The following WDR6 variants were observed in gnomAD, a reference collection of about 807,000 sequenced individuals.
WDR6 encodes WD repeat domain 6, also known as tRNA (34-2'-O)-methyltransferase regulator WDR6.
WDR6 carries 58 observed loss-of-function variants against 85.6 expected under a neutral mutation model. The observed-to-expected ratio is 0.68, with a 90% CI of 0.55 to 0.84. The LOEUF (loss-of-function observed/expected upper bound fraction) is 0.84, where lower values mean the gene tolerates loss of function less well. Among genes scored for constraint, WDR6 ranks in the 40% least tolerant of loss-of-function variants. WDR6 has a pLI of 0.00. For synonymous variants in WDR6, 569 were observed against 582.2 expected (o/e 0.98, Z 0.33); for missense variants, 1,310 against 1,476.4 (o/e 0.89, Z 1.85).
rs1211428384 is a variant in WDR6, at chr3:49,014,172, T to C, written c.2583-38T>C. On this transcript the variant is annotated intron_variant, in intron 2 of 5. Transcript: ENST00000608424. The surrounding 1 kb of genome is among the most constrained non-coding windows in gnomAD (Gnocchi z 4.9). ...TGGGTCATGCAGATGCTCCCAGGCT[T>C]GCAGGCTCCACCTGACAGCTGCATG... The C allele has an allele frequency of 5.0e-6, 8 of 1,614,144 alleles. No individual in the cohort carries two copies. The African/African-American group carries it at 5.3e-5, about 11-fold the overall frequency.
chr3:49,012,870 C>T lies in WDR6; in HGVS notation c.1336C>T (p.Arg446Cys), dbSNP rs200831110. ...GKVHSLSWAL[R>C]GYEELLLLAS... ...GGTGCACAGCTTGAGCTGGGCCCTG[C>T]GTGGTTATGAGGAGCTCCTGTTGCT... Residue 446 changes from arginine to cysteine, a missense_variant, in exon 2 of 6, where the codon CGT becomes TGT. By Grantham distance (180) the Arg-to-Cys change is radical. Coordinates refer to ENST00000608424, the MANE Select transcript of WDR6 (RefSeq NM_018031.6). This position sits in a 1 kb window ranked among gnomAD's most constrained non-coding sequence, Gnocchi z 4.4. The T allele has an allele frequency of 9.5e-5, 154 of 1,613,444 alleles. No individual in the cohort carries two copies. Among genetic ancestry groups the T allele is most frequent in the Non-Finnish European group, 1.2e-4 (138 of 1,179,884 alleles).
In WDR6 at chr3:49,012,446, A is replaced by C. The variant is rs1456386090; in HGVS notation, c.912A>C (p.Ile304=). The change falls in exon 2 of 6, where the codon ATA becomes ATC. Residue 304 remains isoleucine, a synonymous_variant. Transcript: ENST00000608424. The surrounding 1 kb of genome is among the most constrained non-coding windows in gnomAD (Gnocchi z 4.4). ...ACCAGGGACGTGGGATCCGGGCCAT[A>C]GCTGCCCATGAGAGGCAGGCCTGGG... is the stretch of plus-strand genomic sequence containing the variant. The part of the protein sequence containing the change: ...RGHQGRGIRA[I]AAHERQAWVI... The C allele has an allele frequency of 6.2e-7, 1 of 1,614,188 alleles. No individual in the cohort carries two copies. Among genetic ancestry groups the C allele is most frequent in the Admixed American group, 1.7e-5 (1 of 60,030 alleles).
Position 49,014,315 on chromosome 3 carries a change from G to C in WDR6, c.2666+22G>C. 1 of 1,614,124 alleles carries C rather than the reference G, an allele frequency of 6.2e-7. No individual in the cohort carries two copies. The highest frequency in any genetic ancestry group is 2.2e-5 in the East Asian group (1 of 44,882). On this transcript the variant is annotated intron_variant, in intron 3 of 5. Transcript: ENST00000608424. This position sits in a 1 kb window ranked among gnomAD's most constrained non-coding sequence, Gnocchi z 4.9. ...TAAGGTGAGAGCATAGGGCCCAGTG[G>C]GACAGGAGACAAAGGAAGTAAGGTT...
rs374212731 is a variant in WDR6 at position 49,012,076 on chromosome 3, C to A, written c.542C>A (p.Ser181Tyr). 9 of 1,610,412 alleles carry A rather than the reference C, an allele frequency of 5.6e-6. No homozygotes were observed. Among genetic ancestry groups the A allele is most frequent in the Non-Finnish European group, 7.6e-6 (9 of 1,178,736 alleles). ...CTGACCATAGTGGCAGGTGCTGTTT[C>A]CAACCAGCTCTTGGTCTGGTACCCA... ...KELTIVAGAV[S>Y]NQLLVWYPAT... is the part of the protein sequence containing the mutation. Residue 181 changes from serine (S) to tyrosine (Y), a missense_variant, in exon 2 of 6, where the codon TCC becomes TAC. Physicochemically the swap from Ser to Tyr is moderately radical, Grantham distance 144. Transcript: ENST00000608424. The surrounding 1 kb of genome is among the most constrained non-coding windows in gnomAD (Gnocchi z 4.4).
Position 49,014,833 on chromosome 3 carries a change from AC to A in WDR6, c.2916del (p.Ser973ProfsTer2). On this transcript the variant is annotated frameshift_variant, in exon 6 of 6. Transcript: ENST00000608424. LOFTEE classifies it high-confidence loss of function. The surrounding 1 kb of genome is among the most constrained non-coding windows in gnomAD (Gnocchi z 4.9). ...TCTTCCTCTTCCTTCAGGGCTTGGC[AC>A]CCCCTCCCTGACTCTCCAGGCCCAC... ...VDPGLPYRLG[T>X]PSLTLQAHSC... 6.2e-7 allele frequency: 1 copy of A among 1,600,670 alleles called. No individual in the cohort carries two copies. Among genetic ancestry groups the A allele is most frequent in the Non-Finnish European group, 8.5e-7 (1 of 1,171,264 alleles).
chr3:49,015,650 C>G lies in WDR6; in HGVS notation c.*362C>G. The G allele has an allele frequency of 6.2e-7, 1 of 1,614,168 alleles. No individual in the cohort carries two copies. The highest frequency in any genetic ancestry group is 1.1e-5 in the South Asian group (1 of 91,088). On this transcript the variant is annotated 3_prime_UTR_variant, in exon 6 of 6. Transcript: ENST00000608424. ...AGGCCAGTATGGAGCACCTCACGCA[C>G]AGCTCTCAGAAGCTGCAGGCGGACG...
In WDR6 at chr3:49,007,530, G is replaced by A; in HGVS notation, c.99G>A (p.Ala33=). 1.9e-6 allele frequency: 3 copies of A among 1,594,316 alleles called. No individual in the cohort carries two copies. The highest frequency in any genetic ancestry group is 2.6e-6 in the Non-Finnish European group (3 of 1,164,904). ...GLECVGDRLL[A]GEGPDVLVYS... ...AGTGCGTGGGGGACCGGCTGTTGGC[G>A]GGTGAGGCTTGGCTTGAGGCACGCC... Residue 33 remains alanine (A), a splice_region_variant and synonymous_variant, in exon 1 of 6, where the codon GCG becomes GCA. Transcript: ENST00000608424. The surrounding 1 kb of genome is among the most constrained non-coding windows in gnomAD (Gnocchi z 5.1).
rs777969540 is a variant in WDR6 at position 49,012,065 on chromosome 3, A to G, written c.531A>G (p.Ala177=). The part of the protein sequence containing the change: ...GDAWKELTIV[A]GAVSNQLLVW... ...CCTGGAAGGAGCTGACCATAGTGGC[A>G]GGTGCTGTTTCCAACCAGCTCTTGG... Residue 177 remains alanine (A), a synonymous_variant, in exon 2 of 6, where the codon GCA becomes GCG. Coordinates refer to ENST00000608424, the MANE Select transcript of WDR6 (RefSeq NM_018031.6). This position sits in a 1 kb window ranked among gnomAD's most constrained non-coding sequence, Gnocchi z 4.4. 25 of 1,613,890 alleles carry G rather than the reference A, an allele frequency of 1.5e-5. No individual in the cohort carries two copies. In the East Asian group the frequency reaches 5.6e-4, roughly 36 times the overall value.
In WDR6 at chr3:49,012,313, G is replaced by C; in HGVS notation, c.779G>C (p.Arg260Pro). Reference protein sequence around the residue: ...NIGHCFGHSARVWQVKLLENY... With the variant: ...NIGHCFGHSAPVWQVKLLENY... ...GGGCACTGCTTTGGGCACAGCGCCC[G>C]TGTGTGGCAGGTCAAGCTTCTAGAG... The change falls in exon 2 of 6, where the codon CGT (arginine) becomes CCT (proline). Residue 260 changes from arginine (R) to proline (P), a missense_variant. Physicochemically the swap from Arg to Pro is moderately radical, Grantham distance 103. Transcript: ENST00000608424. The surrounding 1 kb of genome is among the most constrained non-coding windows in gnomAD (Gnocchi z 4.4). 1 of 1,614,232 alleles carries C rather than the reference G, an allele frequency of 6.2e-7. No homozygotes were observed. The highest frequency in any genetic ancestry group is 8.5e-7 in the Non-Finnish European group (1 of 1,180,040).
At position 49,015,568 on chromosome 3, in the gene WDR6, G is replaced by A. The variant is rs932826450; in HGVS notation, c.*280G>A. On this transcript the variant is annotated 3_prime_UTR_variant, in exon 6 of 6. Transcript: ENST00000608424. ...TTGATGACTTTGTGAACATTCCCAG[G>A]TATTGGAGCCTCTGTGGCCTTAAAT... The A allele has an allele frequency of 1.2e-6, 2 of 1,613,086 alleles. No homozygotes were observed. The highest frequency in any genetic ancestry group is 2.7e-5 in the African/African-American group (2 of 74,826).
In WDR6 at chr3:49,014,000, C is replaced by G. The variant is rs763986162; in HGVS notation, c.2466C>G (p.Pro822=). The change falls in exon 2 of 6, where the codon CCC becomes CCG. Residue 822 remains proline (P), a synonymous_variant. Coordinates refer to ENST00000608424, the MANE Select transcript of WDR6 (RefSeq NM_018031.6). The surrounding 1 kb of genome is among the most constrained non-coding windows in gnomAD (Gnocchi z 4.6). ...TCAGCATCATGGTTACTCCGGACCC[C>G]AGCACCCCAAGCCGCCTCGCCTGCC... ...HCFSIMVTPD[P]STPSRLACHV... The G allele has an allele frequency of 1.9e-6, 3 of 1,611,824 alleles. No individual in the cohort carries two copies. The East Asian group carries it at 6.7e-5, about 36-fold the overall frequency.
chr3:49,010,360 C>T (rs1278362049), intron 1 of WDR6, among the ~76,000 whole-genome samples: 1 of 149,688 alleles, frequency 6.7e-6, no homozygotes, highest in South Asian at 2.1e-4. Context: ...GAGCCAAGAT[C>T]GCGCCACAGC....
At position 49,015,109 on chromosome 3, in the gene WDR6, T is replaced by A; in HGVS notation, c.3187T>A (p.Ser1063Thr). The A allele has an allele frequency of 6.2e-7, 1 of 1,614,062 alleles. No homozygotes were observed. The highest frequency in any genetic ancestry group is 8.5e-7 in the Non-Finnish European group (1 of 1,180,026). Residue 1063 changes from serine (S) to threonine (T), a missense_variant, in exon 6 of 6, where the codon TCC becomes ACC. Ser to Thr is a moderately conservative substitution (Grantham distance 58). Transcript: ENST00000608424. ...ILSPSIMVSA[S>T]IDQRLTFWRL... ...AAGCCCAAGCATCATGGTCTCAGCC[T>A]CCATTGATCAACGGCTGACCTTCTG...
Position 49,013,128 on chromosome 3 carries a change from G to C in WDR6, c.1594G>C (p.Gly532Arg). The C allele has an allele frequency of 5.0e-6, 8 of 1,607,834 alleles. No homozygotes were observed. The highest frequency in any genetic ancestry group is 6.8e-6 in the Non-Finnish European group (8 of 1,175,896). The stretch of plus-strand genomic sequence containing the variant: ...TCTGCTCAAGGACCCTGGGGTGGGA[G>C]GCAAGGCTCGGGCTGGTGCTGGGGC... ...PGLLKDPGVG[G>R]KARAGAGAPV... The change falls in exon 2 of 6, where the codon GGC becomes CGC. Residue 532 changes from glycine to arginine, a missense_variant. Transcript: ENST00000608424. The surrounding 1 kb of genome is among the most constrained non-coding windows in gnomAD (Gnocchi z 4.6).
In WDR6 at chr3:49,014,504, G is replaced by A; in HGVS notation, c.2783+5G>A. 1 of 1,614,096 alleles carries A rather than the reference G, an allele frequency of 6.2e-7. No individual in the cohort carries two copies. The highest frequency in any genetic ancestry group is 8.5e-7 in the Non-Finnish European group (1 of 1,180,016). Reference sequence around the variant, plus strand: ...CGAGGCACCCAACCAGAGGCGGTGAGAGGGGCTGGATGATGGTCCTGCATG... The same window carrying A: ...CGAGGCACCCAACCAGAGGCGGTGAAAGGGGCTGGATGATGGTCCTGCATG... On this transcript the variant is annotated splice_donor_5th_base_variant and intron_variant, in intron 4 of 5. Coordinates refer to ENST00000608424, the MANE Select transcript of WDR6 (RefSeq NM_018031.6). The surrounding 1 kb of genome is among the most constrained non-coding windows in gnomAD (Gnocchi z 4.9).
chr3:49,015,281 A>ATGAC lies in WDR6; in HGVS notation c.3363_3366dup, dbSNP rs1227719333. ...CAGGGGCTTGAGGTTTACAACTGGT[A>ATGAC]TGACTGAGGTATCCTGCGGTGGCTG... On this transcript the variant is annotated frameshift_variant, in exon 6 of 6. Transcript: ENST00000608424. LOFTEE classifies it high-confidence loss of function. 1.9e-6 allele frequency: 3 copies of ATGAC among 1,609,580 alleles called. No homozygotes were observed. The highest frequency in any genetic ancestry group is 2.7e-5 in the African/African-American group (2 of 74,878).
rs142971978 is a variant in WDR6 at position 49,012,653 on chromosome 3, C to G, written c.1119C>G (p.Leu373=). The part of the protein sequence containing the change: ...LAVTDTGALY[L]YDVEVKCWEQ... ...TGACTGATACAGGGGCCCTGTATCT[C>G]TATGACGTCGAGGTCAAGTGCTGGG... The change falls in exon 2 of 6, where the codon CTC becomes CTG. Residue 373 remains leucine, a synonymous_variant. Transcript: ENST00000608424. This position sits in a 1 kb window ranked among gnomAD's most constrained non-coding sequence, Gnocchi z 4.4. 1 of 1,614,024 alleles carries G rather than the reference C, an allele frequency of 6.2e-7. No individual in the cohort carries two copies. The highest frequency in any genetic ancestry group is 2.2e-5 in the East Asian group (1 of 44,872).
intron 1 of WDR6, among the ~76,000 whole-genome samples, chr3:49,009,207 A>G (rs953914568): frequency 1.1e-4 from 17 of 150,302 alleles, no homozygotes; most frequent in Admixed American, 5.3e-4. Context: ...TGAGCTCTTC[A>G]TTTCCTGTTC....
rs1412056477 is a variant in WDR6 at position 49,015,641 on chromosome 3, C to T, written c.*353C>T. On this transcript the variant is annotated 3_prime_UTR_variant, in exon 6 of 6. Transcript: ENST00000608424. ...AGCATAGCCAGGCCAGTATGGAGCACCTCACGCACAGCTCTCAGAAGCTGC... is the reference window on the plus strand; with the variant it reads ...AGCATAGCCAGGCCAGTATGGAGCATCTCACGCACAGCTCTCAGAAGCTGC... 1.2e-6 allele frequency: 2 copies of T among 1,613,996 alleles called. No homozygotes were observed. Among genetic ancestry groups the T allele is most frequent in the Non-Finnish European group, 1.7e-6 (2 of 1,180,028 alleles).
Sources: gnomAD v4.1 joint callset for allele counts (sites outside exome capture counted in the v4.1 genomes callset) on GRCh38, gnomAD v4.1.1 for gene constraint, Gnocchi (gnomAD v3.1) non-coding constraint, MANE v1.5 for transcripts, NCBI Gene and HGNC (gene_info 2026-07-23, HGNC 2026-07-21) for gene names.